Variants in KIFAP3 observed in about 807,000 individuals in gnomAD.
The protein encoded by KIFAP3 is kinesin associated protein 3, also known as kinesin-associated protein 3.
KIFAP3 carries 68 observed loss-of-function variants against 106.5 expected under a neutral mutation model. The ratio of observed to expected loss-of-function variants is 0.64; its 90% CI spans 0.53 to 0.78. KIFAP3 has a LOEUF of 0.78. Among genes scored for constraint, KIFAP3 ranks in the 30% least tolerant of loss-of-function variants. The pLI is 0.00. For synonymous variants in KIFAP3, 320 were observed against 311.5 expected (o/e 1.03, Z -0.29); for missense variants, 780 against 941.8 (o/e 0.83, Z 2.25).
intron 9 of KIFAP3, among the ~76,000 whole-genome samples, chr1:170,020,542 G>C (rs935512317): frequency 2.6e-5 from 4 of 152,070 alleles, no homozygotes; most frequent in African/African-American, 9.7e-5. Flanking sequence ...CTGCCTCCAG[G>C]GTTCACGCCA....
At chr1:170,017,692 T>A (rs188915717) in intron 9 of KIFAP3, among the ~76,000 whole-genome samples, 2 of 152,186 alleles carry the variant, frequency 1.3e-5, no homozygotes, top group East Asian at 1.9e-4. Flanking sequence ...CAGGAGGTGA[T>A]GTGGTCAGAT....
At chr1:170,012,686 A>G (rs1553196814) in intron 10 of KIFAP3, among the ~76,000 whole-genome samples, 4 of 152,066 alleles carry the variant, frequency 2.6e-5, no homozygotes, top group Non-Finnish European at 5.9e-5. Flanking sequence ...GCCATCATGT[A>G]CGGGATTGGT....
chr1:170,077,858 A>G (rs1312687767), upstream of KIFAP3, among the ~76,000 whole-genome samples: 2 of 151,330 alleles, frequency 1.3e-5, no homozygotes, highest in African/African-American at 4.9e-5. Context: ...ATGCATTTGA[A>G]GACAATCCAT....
intron 2 of KIFAP3, among the ~76,000 whole-genome samples, chr1:170,048,369 C>T (rs1557863041): frequency 6.6e-6 from 1 of 150,698 alleles, no homozygotes; most frequent in East Asian, 2.0e-4. Flanking sequence ...GTTTTAGCTG[C>T]ACATCAGAAG....
At chr1:170,001,417 T>A (rs1376940131) in intron 10 of KIFAP3, among the ~76,000 whole-genome samples, 1 of 152,134 alleles carries the variant, frequency 6.6e-6, no homozygotes, top group Non-Finnish European at 1.5e-5. Flanking sequence ...TTGATTTAAT[T>A]GGGAAAACAG....
chr1:169,922,071 T>C (rs1004966196), intron 19 of KIFAP3, among the ~76,000 whole-genome samples: 9 of 152,206 alleles, frequency 5.9e-5, no homozygotes, highest in African/African-American at 1.9e-4. Context: ...AAATTACTTA[T>C]ATATGGCTCT....
chr1:169,933,677 A>C (rs1237088149), intron 19 of KIFAP3, among the ~76,000 whole-genome samples: 1 of 152,086 alleles, frequency 6.6e-6, no homozygotes, highest in African/African-American at 2.4e-5. Flanking sequence ...ATTATTCTTA[A>C]ATCAGCCTAA....
intron 10 of KIFAP3, among the ~76,000 whole-genome samples, chr1:170,008,035 AT>A (rs1236455667): frequency 1.3e-5 from 2 of 152,180 alleles, no homozygotes; most frequent in Non-Finnish European, 2.9e-5. Flanking sequence ...TCCCTATTTA[AT>A]AAATGGTGTT....
intron 19 of KIFAP3, among the ~76,000 whole-genome samples, chr1:169,931,221 A>G (rs891685416): frequency 2.0e-5 from 3 of 152,102 alleles, no homozygotes; most frequent in African/African-American, 7.2e-5. Flanking sequence ...TGTCTGACCC[A>G]TTTTATTATT....
chr1:170,025,939 G>C (rs1257226144), intron 8 of KIFAP3, among the ~76,000 whole-genome samples: 1 of 152,114 alleles, frequency 6.6e-6, no homozygotes, highest in Non-Finnish European at 1.5e-5. Context: ...TTGGAAATAG[G>C]GTCTTTGCAG....
chr1:170,040,516 T>C (rs567664238), intron 3 of KIFAP3, among the ~76,000 whole-genome samples: 2 of 152,266 alleles, frequency 1.3e-5, no homozygotes, highest in East Asian at 3.9e-4. Context: ...TGAAAGAGTT[T>C]TTACTAGTTC....
intron 19 of KIFAP3, among the ~76,000 whole-genome samples, chr1:169,928,718 A>AAAAAAAAAAAAAAAAAAAAAAAAAAAAG: frequency 6.6e-6 from 1 of 150,494 alleles, no homozygotes; most frequent in Non-Finnish European, 1.5e-5. Context: ...AAAAAAAAAA[A>AAAAAAAAAAAAAAAAAAAAAAAAAAAAG]AAATTAAAGT....
At chr1:170,008,846 T>C (rs956725332) in intron 10 of KIFAP3, among the ~76,000 whole-genome samples, 1 of 152,108 alleles carries the variant, frequency 6.6e-6, no homozygotes, top group Non-Finnish European at 1.5e-5. Flanking sequence ...CCATTCACAA[T>C]AGCAAAGACA....
At chr1:169,960,193 A>G (rs567899003) in intron 18 of KIFAP3, among the ~76,000 whole-genome samples, 1 of 152,248 alleles carries the variant, frequency 6.6e-6, no homozygotes, top group African/African-American at 2.4e-5. Flanking sequence ...ATAATACACA[A>G]AATATTTAGA....
intron 2 of KIFAP3, among the ~76,000 whole-genome samples, chr1:170,048,911 A>C (rs1022851497): frequency 6.6e-6 from 1 of 152,168 alleles, no homozygotes; most frequent in Admixed American, 6.5e-5. Context: ...CTGTTTGGGC[A>C]GGCACCGAGC....
chr1:170,021,434 G>GTTTTTTTTTT, intron 9 of KIFAP3, among the ~76,000 whole-genome samples: 1 of 113,772 alleles, frequency 8.8e-6, no homozygotes, highest in Non-Finnish European at 1.8e-5. Context: ...TTGTTATTAA[G>GTTTTTTTTTT]TTTTTTTTTT....
chr1:170,016,299 C>T (rs1668512827), intron 10 of KIFAP3, among the ~76,000 whole-genome samples, 163 bp downstream of exon 10: 1 of 152,028 alleles, frequency 6.6e-6, no homozygotes. Context: ...AATCCTGGTA[C>T]AGGTCATTTT....
chr1:170,061,482 A>G (rs1204799497), intron 1 of KIFAP3, among the ~76,000 whole-genome samples: 1 of 152,218 alleles, frequency 6.6e-6, no homozygotes, highest in Non-Finnish European at 1.5e-5. Flanking sequence ...CACACTAGTT[A>G]GAATGGTGAT....
chr1:170,024,984 C>T (rs1669034744), intron 8 of KIFAP3, among the ~76,000 whole-genome samples: 1 of 151,962 alleles, frequency 6.6e-6, no homozygotes, highest in Non-Finnish European at 1.5e-5. Context: ...ATATAGAAAA[C>T]AAGATAACAT....
Sources: allele counts gnomAD v4.1 joint callset (sites outside exome capture counted in the v4.1 genomes callset), GRCh38; gene constraint gnomAD v4.1.1; transcripts MANE v1.5; gene names NCBI Gene and HGNC (gene_info 2026-07-23, HGNC 2026-07-21).